ZNF577: variants seen among roughly 807,000 people sequenced by gnomAD.
ZNF577 encodes zinc finger protein 577.
In ZNF577, 14 loss-of-function variants were observed where a neutral mutation model predicts 13.9. The ratio of observed to expected loss-of-function variants is 1.00; its 90% CI spans 0.66 to 1.57. The LOEUF is 1.57. ZNF577 is among the 40% of genes most tolerant of loss of function. ZNF577 has a pLI of 0.00. For synonymous variants in ZNF577, 203 were observed against 202.9 expected, an observed-to-expected ratio of 1.00 and a Z score of 0.00; for missense variants, 555 against 579.2, an observed-to-expected ratio of 0.96 and a Z score of 0.43.
intron 9 of ZNF577, among the ~76,000 whole-genome samples, chr19:51,820,540 G>C (rs2084180650): frequency 1.3e-5 from 2 of 152,130 alleles, no homozygotes; most frequent in South Asian, 4.1e-4. Context: ...TGTCTTGTTG[G>C]CCTGTCCCCA....
At chr19:51,829,243 C>T (rs1455019901) in intron 9 of ZNF577, among the ~76,000 whole-genome samples, 3 of 152,080 alleles carry the variant, frequency 2.0e-5, no homozygotes, top group Non-Finnish European at 4.4e-5. Context: ...GAGGAGGGAG[C>T]TGTAAAGAGT....
intron 5 of ZNF577, among the ~76,000 whole-genome samples, chr19:51,848,373 G>A (rs914010599): frequency 2.6e-5 from 4 of 152,314 alleles, no homozygotes; most frequent in Admixed American, 1.3e-4. Flanking sequence ...GCTAAGACGC[G>A]GAAGACGCTG....
At chr19:51,830,726 C>G (rs61681419) in intron 9 of ZNF577, among the ~76,000 whole-genome samples, 64,383 of 151,974 alleles carry the variant, frequency 0.42, 13,808 homozygotes, top group South Asian at 0.58. Flanking sequence ...TTATCTTTCT[C>G]AATCTCCTTG....
chr19:51,857,392 AAG>A (rs1186309063), intron 5 of ZNF577, among the ~76,000 whole-genome samples: 2 of 121,844 alleles, frequency 1.6e-5, no homozygotes, highest in South Asian at 6.7e-4. Flanking sequence ...GAAAGAAAGA[AAG>A]AAAGAAAGAA....
At chr19:51,816,897 T>C (rs1274593970) in intron 9 of ZNF577, among the ~76,000 whole-genome samples, 2 of 152,218 alleles carry the variant, frequency 1.3e-5, no homozygotes, top group Non-Finnish European at 2.9e-5. Context: ...TGTGTGTAAA[T>C]AGAGAAGTGA....
In ZNF577 at chr19:51,867,509, T is replaced by C. The variant is rs140966973; in HGVS notation, c.*5023A>G. On this transcript the variant is annotated 3_prime_UTR_variant, in exon 6 of 6. Transcript: ENST00000638348. ...CACAAAGCTGGCCAGGCGCGGTGGC[T>C]CACACCTGTAATCCCAGCACTTTGG... Among the ~76,000 whole-genome samples the C allele has an allele frequency of 1.9e-3, 286 of 151,744 alleles. 1 individual carries two copies. The highest frequency in any genetic ancestry group is 6.6e-3 in the African/African-American group (272 of 41,348).
intron 5 of ZNF577, among the ~76,000 whole-genome samples, chr19:51,848,051 C>T (rs1335144594): frequency 2.0e-5 from 3 of 152,158 alleles, no homozygotes; most frequent in African/African-American, 7.2e-5. Flanking sequence ...GTACAGACTG[C>T]GAGACAGCCA....
downstream of ZNF577, among the ~76,000 whole-genome samples, chr19:51,866,549 A>G (rs2084565920): frequency 6.6e-6 from 1 of 152,208 alleles, no homozygotes; most frequent in African/African-American, 2.4e-5. Context: ...AACCCAGATC[A>G]AAGAAACCAG....
chr19:51,809,314 T>C (rs138764731), intron 10 of ZNF577, among the ~76,000 whole-genome samples: 1,965 of 152,332 alleles, frequency 0.013, 50 homozygotes, highest in African/African-American at 0.045. Context: ...ACTAGGGATG[T>C]AGAAGTTAAT....
At chr19:51,847,223 C>T (rs1435839915) in intron 5 of ZNF577, among the ~76,000 whole-genome samples, 1 of 152,128 alleles carries the variant, frequency 6.6e-6, no homozygotes, top group Admixed American at 6.5e-5. Context: ...GCTATTCTTT[C>T]GAGTTTTCTA....
Position 51,824,384 on chromosome 19 carries a change from G to A in ZNF577, c.*600-12710C>T, listed in dbSNP as rs2084215172. ...TCCACTTCATTATTGGCTTCAGCGT[G>A]CCTATGTCCATCATCACAGTCTGCT... On this transcript the variant is annotated intron_variant and NMD_transcript_variant, in intron 9 of 10. Coordinates refer to the ZNF577 transcript ENST00000638827. This position sits in a 1 kb window ranked among gnomAD's most constrained non-coding sequence, Gnocchi z 4.7. 1 of 1,613,972 alleles carries A rather than the reference G, an allele frequency of 6.2e-7. No homozygotes were observed. Among genetic ancestry groups the A allele is most frequent in the Non-Finnish European group, 8.5e-7 (1 of 1,180,026 alleles).
At chr19:51,877,418 G>A (rs1456005037) in intron 4 of ZNF577, 41 bp from the exon 5 acceptor site, 1 of 1,528,006 alleles carries the variant, frequency 6.5e-7, no homozygotes, top group Admixed American at 1.7e-5. Flanking sequence ...ACGTGTGCTT[G>A]GGGAATGGAT....
intron 9 of ZNF577, among the ~76,000 whole-genome samples, chr19:51,836,486 C>G (rs2084287963): frequency 6.6e-6 from 1 of 152,112 alleles, no homozygotes; most frequent in Admixed American, 6.5e-5. Context: ...TTTAATGTAC[C>G]TGTTGGCCAT....
At chr19:51,843,018 T>A (rs2084329339) in intron 7 of ZNF577, 1 of 152,202 alleles carries the variant, frequency 6.6e-6, no homozygotes, top group Non-Finnish European at 1.5e-5. Context: ...CAGAAACCTT[T>A]CATTTGGAAA....
intron 5 of ZNF577, among the ~76,000 whole-genome samples, chr19:51,845,670 A>G (rs999748043): frequency 3.3e-5 from 5 of 151,976 alleles, no homozygotes; most frequent in African/African-American, 1.2e-4. Context: ...TCTACTCTCC[A>G]TTTCTATGAA....
At chr19:51,807,485 A>G (rs890682474) in intron 10 of ZNF577, among the ~76,000 whole-genome samples, 8 of 152,164 alleles carry the variant, frequency 5.3e-5, no homozygotes, top group African/African-American at 1.9e-4. Flanking sequence ...GGGTCCCTGC[A>G]GTTGATAGGA....
intron 10 of ZNF577, among the ~76,000 whole-genome samples, chr19:51,809,139 T>C (rs1368132282): frequency 6.6e-6 from 1 of 152,234 alleles, no homozygotes; most frequent in Non-Finnish European, 1.5e-5. Context: ...GTTATCAAAG[T>C]TTTCATTTGT....
At chr19:51,828,518 C>A (rs1354971010) in intron 9 of ZNF577, among the ~76,000 whole-genome samples, 1 of 152,162 alleles carries the variant, frequency 6.6e-6, no homozygotes, top group Non-Finnish European at 1.5e-5. Flanking sequence ...TCCCACTGGC[C>A]TTGGTTAATT....
At chr19:51,832,233 TTTG>T (rs1168151965) in intron 9 of ZNF577, among the ~76,000 whole-genome samples, 1 of 152,180 alleles carries the variant, frequency 6.6e-6, no homozygotes. Context: ...TACAGCAGAG[TTTG>T]TTAAGCCTGA....
Sources: gnomAD v4.1 joint callset for allele counts (sites outside exome capture counted in the v4.1 genomes callset) on GRCh38, gnomAD v4.1.1 for gene constraint, Gnocchi (gnomAD v3.1) non-coding constraint, MANE v1.5 for transcripts, NCBI Gene and HGNC (gene_info 2026-07-23, HGNC 2026-07-21) for gene names.